MVB12A: variants seen among roughly 807,000 people sequenced by gnomAD.
The protein encoded by MVB12A is CIN85/CD2AP family binding protein.
Under a neutral mutation model 34.3 loss-of-function variants are expected in MVB12A, and 30 were observed. The ratio of observed to expected loss-of-function variants is 0.88; its 90% CI spans 0.65 to 1.19. The LOEUF is 1.19. Ranked by LOEUF, MVB12A falls within the 50% of genes most tolerant of loss-of-function variation. MVB12A has a pLI of 0.00. For missense variants in MVB12A, 355 were observed against 369.2 expected (o/e 0.96, Z 0.31); for synonymous variants, 158 against 158.9 (o/e 0.99, Z 0.04).
In MVB12A at chr19:17,420,633, C is replaced by T. The variant is rs1181309114; in HGVS notation, c.285C>T (p.Ser95=). 6.2e-7 allele frequency: 1 copy of T among 1,607,560 alleles called. No individual in the cohort carries two copies. The highest frequency in any genetic ancestry group is 8.5e-7 in the Non-Finnish European group (1 of 1,174,114). The stretch of plus-strand genomic sequence containing the variant: ...CCCCCGTCTGCGACCCCATGGATTC[C>T]AGTAAGGGCTGCTTCGGAGGCGAGA... ...GFSPVCDPMD[S]KASVSKKKRM... The change falls in exon 3 of 9, where the codon TCC becomes TCT. Residue 95 remains serine, a splice_region_variant and synonymous_variant. Coordinates refer to ENST00000317040, the MANE Select transcript of MVB12A (RefSeq NM_138401.4).
In MVB12A at chr19:17,420,390, T is replaced by G; in HGVS notation, c.168T>G (p.Leu56=). The G allele has an allele frequency of 6.2e-7, 1 of 1,613,968 alleles. No individual in the cohort carries two copies. The change falls in exon 2 of 9, where the codon CTT becomes CTG. Residue 56 remains leucine, a synonymous_variant. Coordinates refer to ENST00000317040, the MANE Select transcript of MVB12A (RefSeq NM_138401.4). ...FAQKSGYFLC[L]SSLGSLENPQ... ...AGAAATCTGGCTACTTCCTGTGCCT[T>G]AGTTCTCTGGGCAGCCTAGAGGTAA... is the stretch of plus-strand genomic sequence containing the variant.
chr19:17,415,162 TTTTTAA>T (rs2074791174), upstream of MVB12A: 1 of 152,050 alleles, frequency 6.6e-6, no homozygotes, highest in Admixed American at 6.6e-5. Flanking sequence ...ACTAACCCTA[TTTTTAA>T]ATTTTCCCTT....
intron 2 of MVB12A, among the ~76,000 whole-genome samples, chr19:17,412,414 G>C (rs757195606): frequency 2.4e-4 from 37 of 152,102 alleles, no homozygotes; most frequent in Non-Finnish European, 4.0e-4. Context: ...TCAAAGGTGT[G>C]TGCCACCACG....
intron 2 of MVB12A, among the ~76,000 whole-genome samples, chr19:17,407,244 A>G (rs1216017471): frequency 2.0e-5 from 3 of 152,136 alleles, no homozygotes; most frequent in Admixed American, 6.6e-5. Flanking sequence ...AAATTACTGT[A>G]GGGACCAGCC....
rs1226338736 is a variant in MVB12A, at chr19:17,422,455, T to C, written c.410T>C (p.Ile137Thr). ...KTKTVPGYLR[I>T]GDMGGFAIWC... ...AAGACAGTGCCTGGATACCTTCGAA[T>C]AGGGTAGGGCCACCCCCCAGTGTCT... is the stretch of plus-strand genomic sequence containing the variant. Residue 137 changes from isoleucine to threonine, a missense_variant, in exon 4 of 9, where the codon ATA (isoleucine) becomes ACA (threonine). Transcript: ENST00000317040. 34 of 1,610,780 alleles carry C rather than the reference T, an allele frequency of 2.1e-5. No individual in the cohort carries two copies. The highest frequency in any genetic ancestry group is 2.8e-5 in the Non-Finnish European group (33 of 1,178,018).
chr19:17,424,998 T>C lies in MVB12A; in HGVS notation c.*5T>C. ...CTGCCCCCCAGCGTCTCATAGTCCC[T>C]CACCCTTCCGCGGAAAGAGCCCCCT... On this transcript the variant is annotated 3_prime_UTR_variant, in exon 9 of 9. Coordinates refer to ENST00000317040, the MANE Select transcript of MVB12A (RefSeq NM_138401.4). 1 of 1,592,554 alleles carries C rather than the reference T, an allele frequency of 6.3e-7. No individual in the cohort carries two copies. Among genetic ancestry groups the C allele is most frequent in the East Asian group, 2.3e-5 (1 of 43,824 alleles).
chr19:17,421,082 C>T (rs1451382151), intron 3 of MVB12A: 1 of 461,322 alleles, frequency 2.2e-6, no homozygotes, highest in Non-Finnish European at 4.3e-6. Context: ...GGGCCCACAA[C>T]CCTAGTGCAG....
upstream of MVB12A, chr19:17,417,213 CTTTTTTTT>C (rs35583565): frequency 1.1e-4 from 11 of 97,022 alleles, no homozygotes; most frequent in South Asian, 2.2e-4. Flanking sequence ...TCACCCAGAG[CTTTTTTTT>C]TTTTTTTTTT....
At chr19:17,410,876 T>C (rs2074764650) in intron 2 of MVB12A, among the ~76,000 whole-genome samples, 1 of 132,506 alleles carries the variant, frequency 7.5e-6, no homozygotes, top group Admixed American at 8.1e-5. Flanking sequence ...TGCAGTGCAG[T>C]GAGATCGCGC....
chr19:17,413,327 A>G (rs892637961), intron 2 of MVB12A: 5 of 151,404 alleles, frequency 3.3e-5, no homozygotes, highest in Non-Finnish European at 5.9e-5. Context: ...CCCACCCCTC[A>G]CCTCAACAAA....
At chr19:17,420,281 G>A in intron 1 of MVB12A, 32 bp from the exon 2 acceptor site, 3 of 1,561,272 alleles carry the variant, frequency 1.9e-6, no homozygotes, top group South Asian at 1.2e-5. Context: ...TGTGGGGTGG[G>A]AGTCCGGCGC....
chr19:17,425,017 GC>G lies in MVB12A; in HGVS notation c.*29del, dbSNP rs748836408. On this transcript the variant is annotated 3_prime_UTR_variant, in exon 9 of 9. Coordinates refer to ENST00000317040, the MANE Select transcript of MVB12A (RefSeq NM_138401.4). ...AGTCCCTCACCCTTCCGCGGAAAGA[GC>G]CCCCTTACTCCACCTCCCCGCCAGC... The G allele has an allele frequency of 2.3e-5, 35 of 1,510,686 alleles. No individual in the cohort carries two copies. The highest frequency in any genetic ancestry group is 4.1e-5 in the African/African-American group (3 of 72,542). The allele number at this position is 1,510,686 out of a possible 1,614,324, so 93.6% of individuals were successfully genotyped here.
chr19:17,422,055 G>A, intron 3 of MVB12A: 1 of 295,304 alleles, frequency 3.4e-6, no homozygotes, highest in Non-Finnish European at 6.3e-6. Flanking sequence ...GGCCACGATG[G>A]GCACCCAGCT....
chr19:17,425,065 GCATCCTGGGGCCACCCCCACTC>G lies in MVB12A; in HGVS notation c.*73_*94del, dbSNP rs1568393164. 20 of 515,984 alleles carry G rather than the reference GCATCCTGGGGCCACCCCCACTC, an allele frequency of 3.9e-5. No homozygotes were observed. The East Asian group carries it at 8.3e-4, about 21-fold the overall frequency. The allele number at this position is 515,984 out of a possible 1,614,324, so 32.0% of individuals were successfully genotyped here. On this transcript the variant is annotated 3_prime_UTR_variant, in exon 9 of 9. Transcript: ENST00000317040. ...CAGCCTGGGGCCACCCCCCCTCACT[GCATCCTGGGGCCACCCCCACTC>G]ACTGCATCCTGGGAACCTTCGCCCT...
intron 3 of MVB12A, 72 bp downstream of exon 3, chr19:17,420,706 G>A (rs73517927): frequency 0.014 from 15,292 of 1,123,522 alleles, 315 homozygotes; most frequent in African/African-American, 0.068. Context: ...GGGACGACGG[G>A]CGCGCGGTAT....
In MVB12A at chr19:17,410,496, T is replaced by TTATATATGTATATATATATATATATG. The variant is rs1568387298; in HGVS notation, c.-5+4200_-5+4201insTATATATGTATATATATATATATATG. Among the ~76,000 whole-genome samples, 5 of 31,514 alleles carry TTATATATGTATATATATATATATATG rather than the reference T, an allele frequency of 1.6e-4. No homozygotes were observed. The Admixed American group carries it at 1.7e-3, about 11-fold the overall frequency. The allele number at this position is 31,514 out of a possible 152,430, so 20.7% of individuals were successfully genotyped here. On this transcript the variant is annotated intron_variant, in intron 2 of 6. Transcript: ENST00000528604. ...CGCTAGCATTCTTTTGGTTTTAGCT[T>TTATATATGTATATATATATATATATG]CATATATATATATATATATATATAT...
chr19:17,424,687 G>C lies in MVB12A; in HGVS notation c.759+10G>C. The C allele has an allele frequency of 6.2e-7, 1 of 1,602,356 alleles. No homozygotes were observed. The highest frequency in any genetic ancestry group is 8.5e-7 in the Non-Finnish European group (1 of 1,172,588). ...GGACATTGAGGAGGAGGTGGGTGCA[G>C]GGCTAGGGAGGAGGTGGGTGCAGGG... On this transcript the variant is annotated intron_variant, in intron 8 of 8. Coordinates refer to ENST00000317040, the MANE Select transcript of MVB12A (RefSeq NM_138401.4).
chr19:17,410,498 A>ATATATGTATATATATATATATATG (rs1491321172), intron 2 of MVB12A, among the ~76,000 whole-genome samples: 1 of 9,694 alleles, frequency 1.0e-4, no homozygotes, highest in African/African-American at 3.7e-4. Context: ...TTTTAGCTTC[A>ATATATGTATATATATATATATATG]TATATATATA....
At chr19:17,416,867 T>C (rs772336419), upstream of MVB12A, among the ~76,000 whole-genome samples, 2 of 151,576 alleles carry the variant, frequency 1.3e-5, no homozygotes, top group Non-Finnish European at 2.9e-5. Context: ...CCCCTGCTAA[T>C]GTTTTGTATT....
Sources: allele counts gnomAD v4.1 joint callset (sites outside exome capture counted in the v4.1 genomes callset), GRCh38; gene constraint gnomAD v4.1.1; transcripts MANE v1.5; gene names NCBI Gene and HGNC (gene_info 2026-07-23, HGNC 2026-07-21).